The following MPP1 variants were observed in gnomAD, a reference collection of about 807,000 sequenced individuals.
MPP1 encodes the protein 55 kDa erythrocyte membrane protein.
In MPP1, 6 loss-of-function variants were observed where a neutral mutation model predicts 38.2. The ratio of observed to expected loss-of-function variants is 0.16; its 90% confidence interval spans 0.09 to 0.31. The LOEUF (loss-of-function observed/expected upper bound fraction) is 0.31. MPP1 is among the 10% of genes least tolerant of loss of function. The probability of loss-of-function intolerance (pLI) is 1.00; values close to 1 mark genes in which losing one functional copy is unlikely to be tolerated. For missense variants in MPP1, 293 were observed against 368.9 expected (o/e 0.79, Z 1.69); for synonymous variants, 153 against 146.3 (o/e 1.05, Z -0.33).
At chrX:154,780,420 T>C (rs2071977882) in intron 11 of MPP1, among the ~76,000 whole-genome samples, 2 of 112,590 alleles carry the variant, frequency 1.8e-5, no homozygotes, top group Admixed American at 1.9e-4. Flanking sequence ...GCAATACAAA[T>C]TGCTCTTCAT....
intron 3 of MPP1, 45 bp downstream of exon 3, chrX:154,791,724 T>G (rs2072143723): frequency 9.3e-7 from 1 of 1,078,582 alleles, no homozygotes; most frequent in Admixed American, 2.2e-5. Flanking sequence ...GGGAGTAAAT[T>G]ATTAATCCCT....
chrX:154,779,026 G>A lies in MPP1; in HGVS notation c.*151C>T. ...AACCCTTCAGGAGCCTGAGCAAGAAGACTGAACCTTACTGGCTGAATTAGG... is the reference window on the plus strand; with the variant it reads ...AACCCTTCAGGAGCCTGAGCAAGAAAACTGAACCTTACTGGCTGAATTAGG... On this transcript the variant is annotated 3_prime_UTR_variant, in exon 12 of 12. Coordinates refer to ENST00000369534, the MANE Select transcript of MPP1 (RefSeq NM_002436.4). 1.8e-6 allele frequency: 1 copy of A among 553,966 alleles called. No individual in the cohort carries two copies. The highest frequency in any genetic ancestry group is 2.8e-6 in the Non-Finnish European group (1 of 357,680). The allele number at this position is 553,966 out of a possible 1,213,427, so 45.7% of individuals were successfully genotyped here.
At chrX:154,800,438 C>T (rs1042982032) in intron 1 of MPP1, among the ~76,000 whole-genome samples, 4 of 111,489 alleles carry the variant, frequency 3.6e-5, no homozygotes, top group Admixed American at 9.5e-5. Context: ...CCCTTCCCAA[C>T]GAGCTTTTTC....
rs2148539301 is a variant in MPP1, at chrX:154,798,842, C to A, written c.102+6430G>T. On this transcript the variant is annotated intron_variant, in intron 1 of 11. Coordinates refer to ENST00000369534, the MANE Select transcript of MPP1 (RefSeq NM_002436.4). ...TTCCGCCTCCTGGATTCAAGCGATT[C>A]TCCTGCCTCAGCCTCCCGAGTAGCT... Among the ~76,000 whole-genome samples, 2 of 111,833 alleles carry A rather than the reference C, an allele frequency of 1.8e-5. 1 individual carries two copies. The highest frequency in any genetic ancestry group is 7.5e-4 in the South Asian group (2 of 2,672).
intron 11 of MPP1, among the ~76,000 whole-genome samples, 187 bp from the exon 12 acceptor site, chrX:154,779,540 G>T: frequency 8.9e-6 from 1 of 112,182 alleles, no homozygotes; most frequent in Non-Finnish European, 1.9e-5. Flanking sequence ...AAAGACCATG[G>T]CAATTCTCAG....
intron 8 of MPP1, 38 bp from the exon 9 acceptor site, chrX:154,783,545 G>A (rs2072034228): frequency 9.2e-7 from 1 of 1,087,741 alleles, no homozygotes. Flanking sequence ...GGAAAGGGGG[G>A]AGAGGAGCGA....
At position 154,791,776 on chromosome X, in the gene MPP1, A is replaced by G. The variant is rs782151706; in HGVS notation, c.318T>C (p.His106=). Residue 106 remains histidine, a synonymous_variant, in exon 3 of 12, where the codon CAT becomes CAC. Transcript: ENST00000369534. The stretch of plus-strand genomic sequence containing the variant: ...AGAGCTCCCACAGAGTACCTTGTCT[A>G]TGGATCATGCCACCATGAAGAATTC... The part of the protein sequence containing the change: ...VARILHGGMI[H]RQGSLHVGDE... The G allele has an allele frequency of 1.8e-5, 22 of 1,206,374 alleles. No homozygotes were observed. The African/African-American group carries it at 3.0e-4, about 16-fold the overall frequency.
chrX:154,785,223 T>A, intron 6 of MPP1, 66 bp from the exon 7 acceptor site: 3 of 615,669 alleles, frequency 4.9e-6, no homozygotes, highest in Non-Finnish European at 6.4e-6. Flanking sequence ...CCCCAGCCAC[T>A]CAGTCTCTAA....
At chrX:154,793,478 A>C (rs149404867) in intron 1 of MPP1, among the ~76,000 whole-genome samples, 55 of 112,194 alleles carry the variant, frequency 4.9e-4, no homozygotes, top group African/African-American at 1.8e-3. Flanking sequence ...CTGATATCTG[A>C]AACTTATTTT....
chrX:154,798,503 G>A (rs1016802041), intron 1 of MPP1, among the ~76,000 whole-genome samples: 1 of 112,199 alleles, frequency 8.9e-6, no homozygotes, highest in Non-Finnish European at 1.9e-5. Context: ...CTGAAAGAAA[G>A]CTAATCTATT....
chrX:154,788,725 C>T (rs782664500), intron 5 of MPP1, among the ~76,000 whole-genome samples: 1 of 111,985 alleles, frequency 8.9e-6, no homozygotes, highest in African/African-American at 3.2e-5. Context: ...TTTCTGTTAA[C>T]GTGGTGAATT....
At chrX:154,784,204 C>G (rs1199750460) in intron 7 of MPP1, 96 bp from the exon 8 acceptor site, 7 of 668,835 alleles carry the variant, frequency 1.0e-5, no homozygotes, top group Non-Finnish European at 1.7e-5. Flanking sequence ...GACATCTCAA[C>G]AAGCAGGGAG....
At position 154,805,309 on chromosome X, in the gene MPP1, T is replaced by C. The variant is rs781863589; in HGVS notation, c.65A>G (p.Tyr22Cys). ...ACGCTTCTGCAGCAAATGCTCCAGG[T>C]AGAGGTCGGAGAGCGCCGTGTGCAT... ...GSMHTALSDL[Y>C]LEHLLQKRSR... is the part of the protein sequence containing the mutation. Residue 22 changes from tyrosine (Y) to cysteine (C), a missense_variant, in exon 1 of 12, where the codon TAC becomes TGC. Tyr to Cys is a radical substitution (Grantham distance 194). Coordinates refer to ENST00000369534, the MANE Select transcript of MPP1 (RefSeq NM_002436.4). 8.3e-7 allele frequency: 1 copy of C among 1,207,953 alleles called. No individual in the cohort carries two copies. The highest frequency in any genetic ancestry group is 1.1e-6 in the Non-Finnish European group (1 of 893,403).
At chrX:154,786,109 G>A (rs2072069228) in intron 6 of MPP1, 95 bp downstream of exon 6, 4 of 856,947 alleles carry the variant, frequency 4.7e-6, no homozygotes, top group Admixed American at 5.8e-5. Context: ...CTCCTTGGTT[G>A]AGAAACAGAA....
chrX:154,802,393 TAAGAACC>T (rs1557268812), intron 1 of MPP1, among the ~76,000 whole-genome samples: 1 of 111,608 alleles, frequency 9.0e-6, no homozygotes, highest in Non-Finnish European at 1.9e-5. Context: ...TGTGATGGCC[TAAGAACC>T]AAGAAACAGG....
chrX:154,792,705 A>G (rs782809314), intron 1 of MPP1, among the ~76,000 whole-genome samples: 7 of 110,736 alleles, frequency 6.3e-5, no homozygotes, highest in African/African-American at 2.3e-4. Context: ...GGTTTCTGGC[A>G]TGTTCTCTTC....
chrX:154,798,645 T>C (rs1169432716), intron 1 of MPP1, among the ~76,000 whole-genome samples: 2 of 112,274 alleles, frequency 1.8e-5, no homozygotes, highest in Non-Finnish European at 3.8e-5. Context: ...AGTGTGACTA[T>C]AAAGCGACAG....
chrX:154,779,461 T>C, intron 11 of MPP1, 108 bp from the exon 12 acceptor site: 2 of 713,342 alleles, frequency 2.8e-6, no homozygotes, highest in Non-Finnish European at 4.1e-6. Context: ...CTGTGCATCA[T>C]ACTTGACGAG....
chrX:154,790,655 A>G (rs2072132113), intron 4 of MPP1, among the ~76,000 whole-genome samples: 1 of 112,094 alleles, frequency 8.9e-6, no homozygotes, highest in Non-Finnish European at 1.9e-5. Flanking sequence ...AAGCATTACA[A>G]ATATTTACAT....
Sources: allele counts gnomAD v4.1 joint callset (sites outside exome capture counted in the v4.1 genomes callset), GRCh38; gene constraint gnomAD v4.1.1; transcripts MANE v1.5; gene names NCBI Gene and HGNC (gene_info 2026-07-23, HGNC 2026-07-21).